Variants in SLC14A2 observed in about 807,000 individuals in gnomAD.
SLC14A2 encodes urea transporter 2.
A neutral mutation model predicts 104.6 loss-of-function variants in SLC14A2; 91 were observed. That is an observed-to-expected ratio of 0.87 (90% confidence interval 0.73 to 1.04). The LOEUF (loss-of-function observed/expected upper bound fraction) is 1.04, where lower values mean the gene tolerates loss of function less well. SLC14A2 is among the 50% of genes least tolerant of loss of function. SLC14A2 has a pLI of 0.00. For missense variants in SLC14A2, 1,189 were observed against 1,156.0 expected (o/e 1.03, Z -0.41); for synonymous variants, 476 against 466.4 (o/e 1.02, Z -0.27).
the SLC14A2 span, among the ~76,000 whole-genome samples, chr18:45,197,849 CAATT>C: frequency 6.6e-6 from 1 of 152,116 alleles, no homozygotes; most frequent in African/African-American, 2.4e-5. Flanking sequence ...TTGTGGTTCT[CAATT>C]AAGGCTCACA....
At chr18:45,553,708 TAGTG>T (rs1433792770) in intron 2 of SLC14A2, among the ~76,000 whole-genome samples, 4 of 152,098 alleles carry the variant, frequency 2.6e-5, no homozygotes, top group African/African-American at 9.7e-5. Flanking sequence ...TAACCCCAAA[TAGTG>T]AGTGCCAGAT....
At chr18:45,306,315 A>G (rs76432433) in intron 1 of SLC14A2, among the ~76,000 whole-genome samples, 2,210 of 152,274 alleles carry the variant, frequency 0.015, 42 homozygotes, top group African/African-American at 0.046. Context: ...TCATCTTTTC[A>G]CCTCAAATCT....
chr18:45,238,477 A>G (rs2084278600), intron 1 of SLC14A2, among the ~76,000 whole-genome samples: 1 of 152,228 alleles, frequency 6.6e-6, no homozygotes, highest in Admixed American at 6.5e-5. Context: ...TCCTTGGCCC[A>G]AAAACTCTAC....
intron 1 of SLC14A2, among the ~76,000 whole-genome samples, chr18:45,376,047 G>A (rs898832238): frequency 8.0e-4 from 18 of 22,618 alleles, no homozygotes; most frequent in African/African-American, 3.3e-3. Flanking sequence ...GTGGATCTGG[G>A]AGGTTGGGCC....
At chr18:45,419,816 T>G (rs948865799) in intron 1 of SLC14A2, among the ~76,000 whole-genome samples, 16 of 151,968 alleles carry the variant, frequency 1.1e-4, no homozygotes, top group African/African-American at 3.9e-4. Context: ...ATGTAATTAA[T>G]GAGGACAAAA....
rs577094447 is a variant in SLC14A2, at chr18:45,588,859, G to A, written c.-34-35772G>A. 3.3e-5 allele frequency among the ~76,000 whole-genome samples: 5 copies of A among 152,256 alleles called. No homozygotes were observed. The South Asian group carries it at 1.0e-3, about 32-fold the overall frequency. On this transcript the variant is annotated intron_variant, in intron 2 of 20. Coordinates refer to the SLC14A2 transcript ENST00000586448. ...TAAACCGTAATTCTTTTACAGCAAA[G>A]GGAAAGACAGTACAGTCATGCACAG...
intron 1 of SLC14A2, among the ~76,000 whole-genome samples, chr18:45,474,492 G>T (rs945141325): frequency 3.9e-5 from 6 of 152,162 alleles, no homozygotes; most frequent in African/African-American, 1.4e-4. Context: ...ATTTAGCTGT[G>T]AATCCATCCG....
chr18:45,173,368 T>C, the SLC14A2 span, among the ~76,000 whole-genome samples: 2 of 151,996 alleles, frequency 1.3e-5, no homozygotes, highest in African/African-American at 4.8e-5. Flanking sequence ...GGCTCAAGTA[T>C]GGAAATTCAG....
upstream of SLC14A2, among the ~76,000 whole-genome samples, chr18:45,613,219 A>G (rs958633110): frequency 2.0e-5 from 3 of 152,038 alleles, no homozygotes; most frequent in African/African-American, 7.2e-5. Flanking sequence ...TATTTTTAGT[A>G]GAGATGGGGT....
chr18:45,386,358 G>C (rs1436442556), intron 1 of SLC14A2, among the ~76,000 whole-genome samples: 1 of 152,128 alleles, frequency 6.6e-6, no homozygotes, highest in East Asian at 1.9e-4. Context: ...TGGCTTTTTG[G>C]GAGCTGGAAC....
At chr18:45,183,312 A>G in the SLC14A2 span, among the ~76,000 whole-genome samples, 1 of 152,144 alleles carries the variant, frequency 6.6e-6, no homozygotes, top group African/African-American at 2.4e-5. Context: ...CCCTCCTTGA[A>G]CATCTCTGTA....
intron 1 of SLC14A2, among the ~76,000 whole-genome samples, chr18:45,349,556 T>G (rs115014319): frequency 0.031 from 4,717 of 152,052 alleles, 84 homozygotes; most frequent in African/African-American, 0.046. Flanking sequence ...ACAGCAAAGG[T>G]CAAGCAAGAC....
intron 1 of SLC14A2, among the ~76,000 whole-genome samples, chr18:45,315,205 T>C (rs867076710): frequency 4.6e-5 from 7 of 152,152 alleles, no homozygotes; most frequent in African/African-American, 9.6e-5. Context: ...AGTTGAATCA[T>C]TGGAGTAGTG....
intron 1 of SLC14A2, among the ~76,000 whole-genome samples, chr18:45,618,003 T>C (rs534652470): frequency 3.5e-4 from 54 of 152,148 alleles, no homozygotes; most frequent in Admixed American, 2.5e-3. Context: ...GGAGTCCCTG[T>C]ATCCTGTGCA....
the SLC14A2 span, among the ~76,000 whole-genome samples, chr18:45,184,993 G>C: frequency 6.6e-6 from 1 of 152,146 alleles, no homozygotes; most frequent in African/African-American, 2.4e-5. Context: ...AAGGAAGGAC[G>C]TATGTGCTAG....
At chr18:45,202,845 T>A in the SLC14A2 span, among the ~76,000 whole-genome samples, 2 of 152,170 alleles carry the variant, frequency 1.3e-5, no homozygotes, top group South Asian at 2.1e-4. Flanking sequence ...GGTGTACAAG[T>A]CCTCCTTATC....
intron 15 of SLC14A2, 41 bp downstream of exon 15, chr18:45,668,518 C>T (rs897520425): frequency 1.2e-6 from 2 of 1,609,058 alleles, no homozygotes; most frequent in African/African-American, 2.7e-5. Context: ...ATATCAATGG[C>T]CACCAACCTT....
At chr18:45,251,474 C>T (rs189969378) in intron 1 of SLC14A2, among the ~76,000 whole-genome samples, 3 of 152,308 alleles carry the variant, frequency 2.0e-5, no homozygotes, top group Non-Finnish European at 2.9e-5. Context: ...TTCACAACCT[C>T]GGTAGTGTAT....
intron 1 of SLC14A2, among the ~76,000 whole-genome samples, chr18:45,227,676 A>T (rs1021566631): frequency 3.3e-5 from 5 of 152,208 alleles, no homozygotes; most frequent in Non-Finnish European, 7.3e-5. Flanking sequence ...GTGGCAGATG[A>T]CGAAGCACTT....
Sources: allele counts gnomAD v4.1 joint callset (sites outside exome capture counted in the v4.1 genomes callset), GRCh38; gene constraint gnomAD v4.1.1; transcripts MANE v1.5; gene names NCBI Gene and HGNC (gene_info 2026-07-23, HGNC 2026-07-21).